ZHX2: variants seen among roughly 807,000 people sequenced by gnomAD.
The protein encoded by ZHX2 is zinc fingers and homeoboxes protein 2.
A neutral mutation model predicts 21.9 loss-of-function variants in ZHX2; 6 were observed. The ratio of observed to expected loss-of-function variants is 0.27; its 90% CI spans 0.15 to 0.54. ZHX2 has a LOEUF of 0.54. Ranked by LOEUF, ZHX2 falls within the 20% of genes least tolerant of loss-of-function variation. The probability of loss-of-function intolerance (pLI) is 0.95; values close to 1 mark genes in which losing one functional copy is unlikely to be tolerated. For missense variants in ZHX2, 908 were observed against 1,090.7 expected (o/e 0.83, Z 2.36); for synonymous variants, 434 against 437.1 (o/e 0.99, Z 0.09).
chr8:122,934,977 C>A (rs917746340), intron 2 of ZHX2, among the ~76,000 whole-genome samples: 1 of 152,176 alleles, frequency 6.6e-6, no homozygotes, highest in South Asian at 2.1e-4. Context: ...CGTGAGCCAC[C>A]GGCCCAGCCT....
At chr8:122,846,316 C>T (rs536068801) in intron 1 of ZHX2, among the ~76,000 whole-genome samples, 7 of 152,306 alleles carry the variant, frequency 4.6e-5, no homozygotes, top group Admixed American at 1.3e-4. Context: ...CCCAAACATG[C>T]GTCCTTCTCT....
intron 2 of ZHX2, among the ~76,000 whole-genome samples, chr8:122,945,756 C>T (rs1346223531): frequency 6.6e-6 from 1 of 152,178 alleles, no homozygotes; most frequent in Non-Finnish European, 1.5e-5. Context: ...GAATCTTAAA[C>T]AAGTTTGCTT....
At chr8:122,908,946 G>A (rs915011092) in intron 2 of ZHX2, among the ~76,000 whole-genome samples, 2 of 152,164 alleles carry the variant, frequency 1.3e-5, no homozygotes, top group Admixed American at 1.3e-4. Flanking sequence ...ACCTTTTCAA[G>A]TTTCCCTTGT....
At chr8:122,887,549 A>G (rs1166841071) in intron 2 of ZHX2, among the ~76,000 whole-genome samples, 2 of 152,162 alleles carry the variant, frequency 1.3e-5, no homozygotes, top group Non-Finnish European at 2.9e-5. Flanking sequence ...GAAAAAATAT[A>G]TATACATATA....
intron 3 of ZHX2, among the ~76,000 whole-genome samples, chr8:122,958,435 T>C (rs970677582): frequency 1.3e-5 from 2 of 152,352 alleles, no homozygotes; most frequent in Middle Eastern, 3.4e-3. Context: ...GCCTTGATGT[T>C]TGGTCAAATG....
In ZHX2 at chr8:122,952,538, C is replaced by A. The variant is rs750142621; in HGVS notation, c.1028C>A (p.Pro343Gln). The change falls in exon 3 of 4, where the codon CCG becomes CAG. Residue 343 changes from proline to glutamine, a missense_variant. By Grantham distance (76) the Pro-to-Gln change is moderately conservative. Transcript: ENST00000314393. The surrounding 1 kb of genome is among the most constrained non-coding windows in gnomAD (Gnocchi z 6.9). The part of the protein sequence containing the change: ...MFNGTIQSVP[P>Q]TITVLPAQLA... ...AACGGCACCATCCAGTCAGTACCCC[C>A]GACCATCACTGTGCTGCCCGCCCAG... 6.2e-7 allele frequency: 1 copy of A among 1,614,178 alleles called. No homozygotes were observed. Among genetic ancestry groups the A allele is most frequent in the East Asian group, 2.2e-5 (1 of 44,884 alleles).
At chr8:122,839,803 T>C (rs1818586595) in intron 1 of ZHX2, among the ~76,000 whole-genome samples, 1 of 152,214 alleles carries the variant, frequency 6.6e-6, no homozygotes, top group Non-Finnish European at 1.5e-5. Flanking sequence ...CCAGCAGTTA[T>C]ACATATGCCT....
chr8:122,962,351 C>T (rs1418269167), intron 3 of ZHX2, among the ~76,000 whole-genome samples: 1 of 152,182 alleles, frequency 6.6e-6, no homozygotes, highest in African/African-American at 2.4e-5. Context: ...GCTTAGCTCC[C>T]ACTTGTGAGT....
intron 3 of ZHX2, among the ~76,000 whole-genome samples, chr8:122,968,759 A>G (rs1007796653): frequency 5.9e-5 from 9 of 151,994 alleles, no homozygotes; most frequent in Non-Finnish European, 1.5e-5. Flanking sequence ...GAATCACTTG[A>G]ACCTGGGAGG....
At chr8:122,914,222 C>T (rs988319717) in intron 2 of ZHX2, among the ~76,000 whole-genome samples, 1 of 152,236 alleles carries the variant, frequency 6.6e-6, no homozygotes, top group African/African-American at 2.4e-5. Flanking sequence ...CTGCTCTCAT[C>T]CTGCTGCCTG....
chr8:122,920,642 A>C (rs1208362039), intron 2 of ZHX2, among the ~76,000 whole-genome samples: 1 of 152,220 alleles, frequency 6.6e-6, no homozygotes, highest in East Asian at 1.9e-4. Context: ...CATTGGAGGC[A>C]TGTGTCCACA....
At chr8:122,971,512 G>A (rs934604611) in intron 3 of ZHX2, among the ~76,000 whole-genome samples, 1 of 145,486 alleles carries the variant, frequency 6.9e-6, no homozygotes, top group African/African-American at 2.5e-5. Flanking sequence ...GGGAATGTGG[G>A]TGCGTTTAAC....
chr8:122,806,994 C>T (rs141447027), intron 1 of ZHX2, among the ~76,000 whole-genome samples: 25 of 152,274 alleles, frequency 1.6e-4, no homozygotes, highest in Middle Eastern at 6.8e-3. Flanking sequence ...ACTGGTAGAG[C>T]TCACTGGTAG....
intron 1 of ZHX2, among the ~76,000 whole-genome samples, chr8:122,815,013 A>G (rs964871986): frequency 6.6e-6 from 1 of 152,164 alleles, no homozygotes; most frequent in African/African-American, 2.4e-5. Context: ...CCACAACTTA[A>G]TCTCCTTGAG....
At chr8:122,938,828 ACT>A (rs984647838) in intron 2 of ZHX2, among the ~76,000 whole-genome samples, 7 of 152,100 alleles carry the variant, frequency 4.6e-5, no homozygotes, top group Non-Finnish European at 1.0e-4. Flanking sequence ...ACAGAGCAAG[ACT>A]CTGTCAAAAA....
intron 2 of ZHX2, among the ~76,000 whole-genome samples, chr8:122,887,083 GTGT>G (rs1819860980): frequency 1.3e-5 from 2 of 150,696 alleles, no homozygotes; most frequent in Non-Finnish European, 2.9e-5. Context: ...GTGTGTGTGT[GTGT>G]GTGTGTGTAC....
intron 2 of ZHX2, among the ~76,000 whole-genome samples, chr8:122,908,300 A>T (rs545868489): frequency 1.6e-4 from 24 of 152,334 alleles, no homozygotes; most frequent in Non-Finnish European, 3.1e-4. Context: ...CCCGAGTTCA[A>T]GAGATTCTCC....
chr8:122,970,039 G>A (rs936534535), intron 3 of ZHX2, among the ~76,000 whole-genome samples: 1 of 152,176 alleles, frequency 6.6e-6, no homozygotes, highest in Non-Finnish European at 1.5e-5. Context: ...CGTGTTCACC[G>A]AGAGCCTGGA....
intron 1 of ZHX2, among the ~76,000 whole-genome samples, chr8:122,797,500 C>T (rs1277941903): frequency 6.6e-6 from 1 of 152,178 alleles, no homozygotes; most frequent in African/African-American, 2.4e-5. Flanking sequence ...AAGCATTGTG[C>T]CTTTTCTCTT....
Sources: allele counts gnomAD v4.1 joint callset (sites outside exome capture counted in the v4.1 genomes callset), GRCh38; gene constraint gnomAD v4.1.1; non-coding constraint Gnocchi (gnomAD v3.1); transcripts MANE v1.5; gene names NCBI Gene and HGNC (gene_info 2026-07-23, HGNC 2026-07-21).